ADRA1A: variants seen among roughly 807,000 people sequenced by gnomAD.
The protein encoded by ADRA1A is adrenoceptor alpha 1A, also known as alpha-1A adrenergic receptor.
In ADRA1A, 31 loss-of-function variants were observed where a neutral mutation model predicts 29.6. That is an observed-to-expected ratio of 1.05 (90% CI 0.79 to 1.41). The LOEUF (loss-of-function observed/expected upper bound fraction) is 1.41. Among genes scored for constraint, ADRA1A ranks in the 40% most tolerant of loss-of-function variants. The pLI is 0.00. For missense variants in ADRA1A, 619 were observed against 601.1 expected (o/e 1.03, Z -0.31); for synonymous variants, 311 against 254.3 (o/e 1.22, Z -2.12).
rs988446071 is a variant in ADRA1A, at chr8:26,865,671, GAGAA to G, written c.-686-20_-686-17del. The G allele has an allele frequency of 2.0e-6, 2 of 986,026 alleles. No individual in the cohort carries two copies. Among genetic ancestry groups the G allele is most frequent in the African/African-American group, 3.5e-5 (2 of 57,264 alleles). 61.1% of individuals were successfully genotyped at this position (986,026 alleles called of 1,614,324 possible). A position where few individuals can be genotyped will look rare whatever the true frequency, so the allele number is the denominator to read the frequency against. ...CCGCGTCCACCTGAAAGAGCGCAAA[GAGAA>G]AGGCGGCTTTGAGCTAGGCGCCCCA... On this transcript the variant is annotated splice_polypyrimidine_tract_variant and intron_variant, in intron 1 of 2. Transcript: ENST00000380573. The surrounding 1 kb of genome is among the most constrained non-coding windows in gnomAD (Gnocchi z 7.6).
intron 2 of ADRA1A, among the ~76,000 whole-genome samples, chr8:26,792,632 A>G (rs1261707827): frequency 6.7e-6 from 1 of 148,426 alleles, no homozygotes; most frequent in African/African-American, 2.6e-5. Flanking sequence ...GCTTTGCCTT[A>G]GGTTCTTTAT....
At chr8:26,817,959 T>C (rs890404629) in intron 2 of ADRA1A, among the ~76,000 whole-genome samples, 5 of 152,228 alleles carry the variant, frequency 3.3e-5, no homozygotes, top group South Asian at 2.1e-4. Flanking sequence ...CAGCTGGGGA[T>C]TGATGAATAC....
At chr8:26,838,659 T>C (rs752698782) in intron 2 of ADRA1A, among the ~76,000 whole-genome samples, 3 of 152,138 alleles carry the variant, frequency 2.0e-5, no homozygotes, top group Non-Finnish European at 4.4e-5. Flanking sequence ...AGCTTCCCAA[T>C]GGCACAAAGC....
chr8:26,855,536 C>T (rs1812983625), intron 2 of ADRA1A, among the ~76,000 whole-genome samples: 1 of 151,728 alleles, frequency 6.6e-6, no homozygotes, highest in East Asian at 1.9e-4. Flanking sequence ...CAAATAAGAA[C>T]ACATGACACG....
rs2130805444 is a variant in ADRA1A, at chr8:26,865,784, C to T, written c.-686-129G>A. On this transcript the variant is annotated intron_variant, in intron 1 of 2. Transcript: ENST00000380573. This position sits in a 1 kb window ranked among gnomAD's most constrained non-coding sequence, Gnocchi z 7.6. ...GTTCTGCGGTCCAGAAGCTGCTTCG[C>T]CCGGCAGCGGTGGAGGCGACTTCGG... The T allele has an allele frequency of 1.1e-6, 1 of 915,552 alleles. No homozygotes were observed. The highest frequency in any genetic ancestry group is 1.3e-6 in the Non-Finnish European group (1 of 766,518). The allele number at this position is 915,552 out of a possible 1,614,324, so 56.7% of individuals were successfully genotyped here.
chr8:26,752,419 G>A (rs1256488124), downstream of ADRA1A, among the ~76,000 whole-genome samples: 1 of 152,142 alleles, frequency 6.6e-6, no homozygotes, highest in Non-Finnish European at 1.5e-5. Context: ...TGCACATGTG[G>A]CAACAAAGAA....
At chr8:26,858,494 C>A (rs755684352) in intron 2 of ADRA1A, among the ~76,000 whole-genome samples, 21 of 152,272 alleles carry the variant, frequency 1.4e-4, no homozygotes, top group South Asian at 4.1e-4. Context: ...GGCAGCTGAC[C>A]TATATAACAT....
Position 26,823,571 on chromosome 8 carries a change from G to A in ADRA1A, c.883+40516C>T, listed in dbSNP as rs563291035. ...TGGGACAAATGCACTGGTTCGGGGA[G>A]CGCTGGGCTAAGGATCAGGCTGCTT... On this transcript the variant is annotated intron_variant, in intron 2 of 2. Coordinates refer to ENST00000380573, the MANE Select transcript of ADRA1A (RefSeq NM_000680.4). This position sits in a 1 kb window ranked among gnomAD's most constrained non-coding sequence, Gnocchi z 4.2. 6.6e-6 allele frequency among the ~76,000 whole-genome samples: 1 copy of A among 152,208 alleles called. No individual in the cohort carries two copies. The highest frequency in any genetic ancestry group is 2.4e-5 in the African/African-American group (1 of 41,450).
At chr8:26,826,323 T>C (rs939382072) in intron 2 of ADRA1A, among the ~76,000 whole-genome samples, 1 of 152,244 alleles carries the variant, frequency 6.6e-6, no homozygotes, top group Non-Finnish European at 1.5e-5. Flanking sequence ...CTTCCACTTG[T>C]GGCTCTGCCA....
intron 2 of ADRA1A, among the ~76,000 whole-genome samples, chr8:26,839,454 G>A (rs574346344): frequency 3.3e-5 from 5 of 151,996 alleles, no homozygotes; most frequent in Non-Finnish European, 5.9e-5. Context: ...CACCATGCCC[G>A]GCCTGAAGAA....
intron 2 of ADRA1A, among the ~76,000 whole-genome samples, chr8:26,840,477 C>A (rs1181501688): frequency 6.6e-6 from 1 of 152,158 alleles, no homozygotes; most frequent in Non-Finnish European, 1.5e-5. Context: ...CCATGGAAAC[C>A]CTAGACTTTG....
At chr8:26,757,514 C>CG (rs1020619837) in intron 2 of ADRA1A, among the ~76,000 whole-genome samples, 12 of 150,338 alleles carry the variant, frequency 8.0e-5, no homozygotes, top group South Asian at 2.1e-4. Flanking sequence ...CTTCCATTTC[C>CG]CCCACCCCCC....
chr8:26,756,620 G>T, exon 3 of ADRA1A: 1 of 1,569,448 alleles, frequency 6.4e-7, no homozygotes, highest in South Asian at 1.2e-5. Context: ...GCTTGATAAA[G>T]AAGTAAATCC....
chr8:26,798,656 T>C (rs1451094851), intron 2 of ADRA1A, among the ~76,000 whole-genome samples: 2 of 152,174 alleles, frequency 1.3e-5, no homozygotes, highest in South Asian at 2.1e-4. Flanking sequence ...ACTAGAATGG[T>C]ATCTGCCTGT....
chr8:26,863,801 C>T (rs556398374), intron 2 of ADRA1A, among the ~76,000 whole-genome samples: 137 of 152,244 alleles, frequency 9.0e-4, no homozygotes, highest in African/African-American at 3.3e-3. Context: ...TGCTTATAGG[C>T]ATTAAGAAAA....
intron 2 of ADRA1A, among the ~76,000 whole-genome samples, chr8:26,826,359 C>T (rs989088215): frequency 6.6e-6 from 1 of 152,234 alleles, no homozygotes; most frequent in Non-Finnish European, 1.5e-5. Context: ...GAGTGACCTG[C>T]ATCCAGAGGG....
chr8:26,859,828 G>GT (rs1813317449), intron 2 of ADRA1A, among the ~76,000 whole-genome samples: 1 of 151,004 alleles, frequency 6.6e-6, no homozygotes, highest in African/African-American at 2.4e-5. Flanking sequence ...GAGTGCAGTG[G>GT]TGTGACTCAG....
rs1462174987 is a variant in ADRA1A, at chr8:26,806,698, T to C, written c.884-36032A>G. On this transcript the variant is annotated intron_variant, in intron 2 of 2. Transcript: ENST00000380573. This position sits in a 1 kb window ranked among gnomAD's most constrained non-coding sequence, Gnocchi z 4.6. Reference sequence around the variant, plus strand: ...TCTCCCTAAGTCTCTTTACTCTGGCTTAACCGAGAGTTCGGTCATTACATA... The same window carrying C: ...TCTCCCTAAGTCTCTTTACTCTGGCCTAACCGAGAGTTCGGTCATTACATA... 6.6e-6 allele frequency among the ~76,000 whole-genome samples: 1 copy of C among 151,716 alleles called. No individual in the cohort carries two copies. The highest frequency in any genetic ancestry group is 1.9e-4 in the East Asian group (1 of 5,152).
chr8:26,865,503 G>T lies in ADRA1A; in HGVS notation c.-534C>A. On this transcript the variant is annotated 5_prime_UTR_variant, in exon 2 of 3. Coordinates refer to ENST00000380573, the MANE Select transcript of ADRA1A (RefSeq NM_000680.4). This position sits in a 1 kb window ranked among gnomAD's most constrained non-coding sequence, Gnocchi z 7.6. ...TGGGTAGCGCAGCGCTACAGGTTGGGCGCTGCTCCTGGCCCGCAGTTACCT... is the reference window on the plus strand; with the variant it reads ...TGGGTAGCGCAGCGCTACAGGTTGGTCGCTGCTCCTGGCCCGCAGTTACCT... 14 of 993,602 alleles carry T rather than the reference G, an allele frequency of 1.4e-5. No homozygotes were observed. The highest frequency in any genetic ancestry group is 1.7e-5 in the Non-Finnish European group (14 of 834,798). The allele number at this position is 993,602 out of a possible 1,614,324, so 61.5% of individuals were successfully genotyped here. A position where few individuals can be genotyped will look rare whatever the true frequency, so the allele number is the denominator to read the frequency against.
Sources: allele counts gnomAD v4.1 joint callset (sites outside exome capture counted in the v4.1 genomes callset), GRCh38; gene constraint gnomAD v4.1.1; non-coding constraint Gnocchi (gnomAD v3.1); transcripts MANE v1.5; gene names NCBI Gene and HGNC (gene_info 2026-07-23, HGNC 2026-07-21).